FHIP2A: variants seen among roughly 807,000 people sequenced by gnomAD.
FHIP2A encodes family with sequence similarity 160 member B1.
A neutral mutation model predicts 93.5 loss-of-function variants in FHIP2A; 46 were observed. The observed-to-expected ratio is 0.49, with a 90% CI of 0.39 to 0.63. The LOEUF (loss-of-function observed/expected upper bound fraction) is 0.63. Among genes scored for constraint, FHIP2A ranks in the 20% least tolerant of loss-of-function variants. The pLI is 0.00. For synonymous variants in FHIP2A, 332 were observed against 326.5 expected (o/e 1.02, Z -0.18); for missense variants, 769 against 909.7 (o/e 0.85, Z 1.99).
In FHIP2A at chr10:114,828,721, C is replaced by T. The variant is rs115333948; in HGVS notation, c.46-2131C>T. 7.6e-3 allele frequency among the ~76,000 whole-genome samples: 1,159 copies of T among 152,122 alleles called. 25 individuals carry two copies. Among genetic ancestry groups the T allele is most frequent in the African/African-American group, 0.027 (1,103 of 41,522 alleles). ...TTCCTTATTTTTTCCCTCAATCTCC[C>T]GTAAGTTTTTTTCTCCCCATGTTCT... On this transcript the variant is annotated intron_variant, in intron 1 of 16. Transcript: ENST00000369248.
exon 17 of FHIP2A, chr10:114,899,601 G>A (rs899213778): frequency 1.7e-5 from 12 of 713,298 alleles, no homozygotes; most frequent in African/African-American, 1.6e-4. Flanking sequence ...CTTGGGCCTT[G>A]GATCAACTGC....
intron 13 of FHIP2A, among the ~76,000 whole-genome samples, chr10:114,851,096 T>A (rs1320921271): frequency 6.6e-6 from 1 of 152,144 alleles, no homozygotes; most frequent in African/African-American, 2.4e-5. Flanking sequence ...GTATTTTTAG[T>A]AGAGATGGAG....
intron 2 of FHIP2A, among the ~76,000 whole-genome samples, chr10:114,832,710 AT>A (rs35892795): frequency 0.37 from 46,482 of 124,958 alleles, 6,804 homozygotes; most frequent in East Asian, 0.63. Flanking sequence ...TATATTTGAG[AT>A]TTTTTTTTTT....
chr10:114,845,465 T>A lies in FHIP2A; in HGVS notation c.1112T>A (p.Ile371Asn). Residue 371 changes from isoleucine (I) to asparagine (N), a missense_variant, in exon 8 of 17, where the codon ATT (isoleucine) becomes AAT (asparagine). Transcript: ENST00000369248. ...TGGTTTGATTATTGTGATCAGCTCATTAAGGAAGCCCAAAAGGTTTGTAAT... is the reference window on the plus strand; with the variant it reads ...TGGTTTGATTATTGTGATCAGCTCAATAAGGAAGCCCAAAAGGTTTGTAAT... ...LSWFDYCDQLIKEAQKTAAVA... is the reference protein window; with the variant it reads ...LSWFDYCDQLNKEAQKTAAVA... 1 of 1,607,862 alleles carries A rather than the reference T, an allele frequency of 6.2e-7. No homozygotes were observed.
chr10:114,846,004 A>G lies in FHIP2A; in HGVS notation c.1129-9A>G, dbSNP rs777896425. Reference sequence around the variant, plus strand: ...TAAAAAAAAAAATGATGTTCCTACTATATTCTAGACTGCTGCTGTTGCTCT... The same window carrying G: ...TAAAAAAAAAAATGATGTTCCTACTGTATTCTAGACTGCTGCTGTTGCTCT... On this transcript the variant is annotated splice_polypyrimidine_tract_variant and intron_variant, in intron 8 of 16. Transcript: ENST00000369248. 7 of 1,599,104 alleles carry G rather than the reference A, an allele frequency of 4.4e-6. No individual in the cohort carries two copies. In the Admixed American group the frequency reaches 5.2e-5, roughly 12 times the overall value.
intron 16 of FHIP2A, among the ~76,000 whole-genome samples, chr10:114,891,537 A>C (rs868215713): frequency 7.3e-6 from 1 of 137,132 alleles, no homozygotes; most frequent in Non-Finnish European, 1.5e-5. Flanking sequence ...ATATATATAT[A>C]TGTGTGTGTG....
intron 5 of FHIP2A, among the ~76,000 whole-genome samples, chr10:114,838,157 G>A (rs1033678742): frequency 6.6e-6 from 1 of 152,208 alleles, no homozygotes; most frequent in African/African-American, 2.4e-5. Flanking sequence ...GTTGCTCCGT[G>A]TTGTCGTCAG....
chr10:114,823,670 T>A (rs1420754140), intron 1 of FHIP2A, among the ~76,000 whole-genome samples: 8 of 151,372 alleles, frequency 5.3e-5, no homozygotes, highest in Non-Finnish European at 1.0e-4. Context: ...AATTTTTTTT[T>A]TTTTTTTTAG....
At chr10:114,833,926 C>T (rs907029769) in intron 3 of FHIP2A, among the ~76,000 whole-genome samples, 3 of 152,234 alleles carry the variant, frequency 2.0e-5, no homozygotes, top group East Asian at 3.9e-4. Context: ...GCCGTGTGGC[C>T]GAGTAAGGGA....
chr10:114,861,305 G>T lies in FHIP2A; in HGVS notation c.2163G>T (p.Arg721=), dbSNP rs146600362. The change falls in exon 16 of 17, where the codon CGG becomes CGT. Residue 721 remains arginine, a synonymous_variant. Transcript: ENST00000369248. ...CCAAGCTTCTGTTAGTCAGAAAGCG[G>T]TTACTTGGTTTGGAACCTGAAGGCC... ...FTPKLLLVRK[R]LLGLEPEGPI... is the part of the protein sequence containing the mutation. 4.3e-6 allele frequency: 7 copies of T among 1,614,086 alleles called. No individual in the cohort carries two copies. In the African/African-American group the frequency reaches 9.3e-5, roughly 22 times the overall value.
chr10:114,857,270 T>C, intron 14 of FHIP2A, among the ~76,000 whole-genome samples: 1 of 151,968 alleles, frequency 6.6e-6, no homozygotes, highest in Non-Finnish European at 1.5e-5. Context: ...GAAGTGATAC[T>C]TGCTTGTAGT....
chr10:114,830,773 A>G, intron 1 of FHIP2A, 79 bp from the exon 2 acceptor site: 1 of 883,222 alleles, frequency 1.1e-6, no homozygotes, highest in Non-Finnish European at 1.8e-6. Flanking sequence ...TTGCATTGTA[A>G]TAGATAAATA....
intron 1 of FHIP2A, among the ~76,000 whole-genome samples, chr10:114,826,360 A>G (rs1339859057): frequency 6.6e-6 from 1 of 152,226 alleles, no homozygotes; most frequent in Non-Finnish European, 1.5e-5. Context: ...TTCCTTCTAC[A>G]CTTGGACAAG....
At chr10:114,857,944 G>A (rs916222559) in intron 14 of FHIP2A, among the ~76,000 whole-genome samples, 8 of 152,196 alleles carry the variant, frequency 5.3e-5, no homozygotes, top group Non-Finnish European at 1.2e-4. Flanking sequence ...GCCAAATCTT[G>A]TCCCTGCCCT....
Position 114,822,019 on chromosome 10 carries a change from C to T in FHIP2A, c.-60C>T. 2 of 1,140,302 alleles carry T rather than the reference C, an allele frequency of 1.8e-6. No homozygotes were observed. The highest frequency in any genetic ancestry group is 2.2e-6 in the Non-Finnish European group (2 of 890,698). 70.6% of individuals were successfully genotyped at this position (1,140,302 alleles called of 1,614,324 possible). ...CCGGCAGCCGCAGCAGGGGCGGCGGCGGCGGATCGAGGAGCTCTCCAGGTC... is the reference window on the plus strand; with the variant it reads ...CCGGCAGCCGCAGCAGGGGCGGCGGTGGCGGATCGAGGAGCTCTCCAGGTC... On this transcript the variant is annotated 5_prime_UTR_variant, in exon 1 of 17. Coordinates refer to ENST00000369248, the MANE Select transcript of FHIP2A (RefSeq NM_020940.4).
chr10:114,867,177 C>T (rs2083833561), downstream of FHIP2A, among the ~76,000 whole-genome samples: 2 of 151,126 alleles, frequency 1.3e-5, no homozygotes, highest in African/African-American at 4.9e-5. Context: ...CCACTGCACT[C>T]CAGTCTGGGC....
intron 16 of FHIP2A, among the ~76,000 whole-genome samples, chr10:114,878,585 C>A (rs1316716963): frequency 6.6e-6 from 1 of 152,084 alleles, no homozygotes; most frequent in Non-Finnish European, 1.5e-5. Flanking sequence ...TCAAGACCAG[C>A]CTGGCCAACA....
In FHIP2A at chr10:114,843,764, A is replaced by C. The variant is rs775916876; in HGVS notation, c.840A>C (p.Ala280=). Residue 280 remains alanine (A), a synonymous_variant, in exon 7 of 17, where the codon GCA becomes GCC. Transcript: ENST00000369248. The part of the protein sequence containing the change: ...RSPDGRIAVK[A]CEGLMLLVSL... ...AGGATGGCAGAATAGCTGTGAAGGC[A>C]TGTGAAGGCTTGATGCTGTTAGTAA... is the stretch of plus-strand genomic sequence containing the variant. 6.4e-7 allele frequency: 1 copy of C among 1,562,158 alleles called. No homozygotes were observed. Among genetic ancestry groups the C allele is most frequent in the Non-Finnish European group, 8.6e-7 (1 of 1,161,154 alleles).
intron 1 of FHIP2A, among the ~76,000 whole-genome samples, chr10:114,822,538 C>T (rs140445059): frequency 6.4e-4 from 98 of 152,332 alleles, no homozygotes; most frequent in African/African-American, 2.1e-3. Flanking sequence ...AAGTGGTCAG[C>T]GTTGAGCAAG....
Sources: gnomAD v4.1 joint callset for allele counts (sites outside exome capture counted in the v4.1 genomes callset) on GRCh38, gnomAD v4.1.1 for gene constraint, MANE v1.5 for transcripts, NCBI Gene and HGNC (gene_info 2026-07-23, HGNC 2026-07-21) for gene names.